The following AP3S2 variants were observed in gnomAD, a reference collection of about 807,000 sequenced individuals.
The protein encoded by AP3S2 is adaptor related protein complex 3 subunit sigma 2.
Under a neutral mutation model 23.4 loss-of-function variants are expected in AP3S2, and 22 were observed. That is an observed-to-expected ratio of 0.94 (90% CI 0.67 to 1.34). AP3S2 has a LOEUF of 1.34. Ranked by LOEUF, AP3S2 falls within the 40% of genes most tolerant of loss-of-function variation. The pLI, the probability that AP3S2 is intolerant of heterozygous loss-of-function variation, is 0.00. For synonymous variants in AP3S2, 86 were observed against 87.1 expected (o/e 0.99, Z 0.07); for missense variants, 241 against 236.9 (o/e 1.02, Z -0.11).
chr15:89,831,105 G>A lies in AP3S2; in HGVS notation c.*4410C>T, dbSNP rs1895068175. Reference sequence around the variant, plus strand: ...ATGAATGTATTTCCTTTTTTGAAAGGAAAATTGAAATAGGAAAAAATTTTA... The same window carrying A: ...ATGAATGTATTTCCTTTTTTGAAAGAAAAATTGAAATAGGAAAAAATTTTA... On this transcript the variant is annotated 3_prime_UTR_variant, in exon 6 of 6. Coordinates refer to ENST00000336418, the MANE Select transcript of AP3S2 (RefSeq NM_005829.5). The A allele has an allele frequency of 6.6e-6, 1 of 152,262 alleles. No individual in the cohort carries two copies. The highest frequency in any genetic ancestry group is 6.5e-5 in the Admixed American group (1 of 15,278). 9.4% of individuals were successfully genotyped at this position (152,262 alleles called of 1,614,324 possible).
intron 4 of AP3S2, among the ~76,000 whole-genome samples, chr15:89,839,640 GC>G (rs1423884122): frequency 6.6e-6 from 1 of 152,022 alleles, no homozygotes; most frequent in African/African-American, 2.4e-5. Context: ...TTACCATATG[GC>G]CCAGCAATTC....
At chr15:89,851,343 CT>C (rs111461374) in intron 4 of AP3S2, among the ~76,000 whole-genome samples, 233 of 145,322 alleles carry the variant, frequency 1.6e-3, no homozygotes, top group Admixed American at 2.1e-3. Context: ...AATTCATCTT[CT>C]TTTTTTTTTT....
At chr15:89,877,292 GA>G in intron 3 of AP3S2, 1 of 1,327,276 alleles carries the variant, frequency 7.5e-7, no homozygotes. Context: ...GATGCAGTTT[GA>G]AAAAGATCAT....
At chr15:89,859,047 T>C (rs903619143) in intron 4 of AP3S2, among the ~76,000 whole-genome samples, 1 of 151,824 alleles carries the variant, frequency 6.6e-6, no homozygotes, top group African/African-American at 2.4e-5. Flanking sequence ...CTTAAAGAGA[T>C]GGGGTCTCAC....
At chr15:89,850,209 T>C (rs150173478) in intron 4 of AP3S2, among the ~76,000 whole-genome samples, 1 of 152,338 alleles carries the variant, frequency 6.6e-6, no homozygotes, top group East Asian at 1.9e-4. Context: ...TTTTATGAAC[T>C]GTTTGATCTT....
In AP3S2 at chr15:89,868,321, G is replaced by A. The variant is rs1356096761; in HGVS notation, c.345+3154C>T. On this transcript the variant is annotated intron_variant, in intron 4 of 5. Transcript: ENST00000336418. ...GAGGAGCCCCTCTGCCCGGCCAGCCGCCCCGTCCGGGAGGGAGGTGGAGGG... is the reference window on the plus strand; with the variant it reads ...GAGGAGCCCCTCTGCCCGGCCAGCCACCCCGTCCGGGAGGGAGGTGGAGGG... Among the ~76,000 whole-genome samples the A allele has an allele frequency of 5.5e-5, 5 of 91,402 alleles. 1 individual carries two copies. The highest frequency in any genetic ancestry group is 1.9e-4 in the Admixed American group (2 of 10,358). The allele number at this position is 91,402 out of a possible 152,430, so 60.0% of individuals were successfully genotyped here.
At chr15:89,878,716 C>T (rs1043208126) in intron 3 of AP3S2, among the ~76,000 whole-genome samples, 2 of 151,978 alleles carry the variant, frequency 1.3e-5, no homozygotes, top group African/African-American at 4.8e-5. Flanking sequence ...TGCATGCTAC[C>T]ACCCGAGGCT....
At chr15:89,880,457 G>A (rs142829485) in intron 3 of AP3S2, among the ~76,000 whole-genome samples, 2,206 of 152,222 alleles carry the variant, frequency 0.014, 72 homozygotes, top group African/African-American at 0.05. Flanking sequence ...TTGGGAGGCC[G>A]AGGTCAGGAG....
intron 1 of AP3S2, among the ~76,000 whole-genome samples, chr15:89,892,128 C>CA (rs1217389294): frequency 1.3e-5 from 2 of 152,164 alleles, no homozygotes; most frequent in African/African-American, 4.8e-5. Context: ...GGCAGACACA[C>CA]AAAAAACCAC....
chr15:89,847,922 G>A (rs1895536299), intron 4 of AP3S2, among the ~76,000 whole-genome samples: 1 of 152,188 alleles, frequency 6.6e-6, no homozygotes, highest in Admixed American at 6.6e-5. Context: ...CACCTAATAT[G>A]AACAATACTG....
rs765081525 is a variant in AP3S2, at chr15:89,889,114, A to T, written c.96T>A (p.Val32=). The T allele has an allele frequency of 6.2e-7, 1 of 1,614,202 alleles. No individual in the cohort carries two copies. The highest frequency in any genetic ancestry group is 1.1e-5 in the South Asian group (1 of 91,084). ...RFPEEIQQQI[V]RETFHLVLKR... Reference sequence around the variant, plus strand: ...TGAGGACTAGATGGAAAGTCTCTCGAACAATCTGCTGTTGAATTTCTTCTG... The same window carrying T: ...TGAGGACTAGATGGAAAGTCTCTCGTACAATCTGCTGTTGAATTTCTTCTG... Residue 32 remains valine, a synonymous_variant, in exon 2 of 6, where the codon GTT becomes GTA. Transcript: ENST00000336418.
At chr15:89,853,562 G>A (rs995394933) in intron 4 of AP3S2, among the ~76,000 whole-genome samples, 2 of 151,818 alleles carry the variant, frequency 1.3e-5, no homozygotes, top group Non-Finnish European at 2.9e-5. Context: ...GTCTCTGCCT[G>A]GCCGCCCATC....
chr15:89,879,543 C>T (rs1164214305), intron 3 of AP3S2, among the ~76,000 whole-genome samples: 4 of 152,146 alleles, frequency 2.6e-5, no homozygotes, highest in Non-Finnish European at 5.9e-5. Flanking sequence ...GTGGAAAAAG[C>T]TCCAGAACTT....
At chr15:89,869,949 C>G (rs1198990846) in intron 4 of AP3S2, among the ~76,000 whole-genome samples, 1 of 152,148 alleles carries the variant, frequency 6.6e-6, no homozygotes, top group African/African-American at 2.4e-5. Flanking sequence ...CCATGTTGGC[C>G]AGGCTGGTCT....
chr15:89,843,234 T>C (rs1177393219), intron 4 of AP3S2, among the ~76,000 whole-genome samples: 6 of 151,968 alleles, frequency 3.9e-5, no homozygotes, highest in African/African-American at 1.4e-4. Context: ...TCCGTCCGCC[T>C]TGGCCTCCCA....
At chr15:89,880,039 T>C (rs1896534339) in intron 3 of AP3S2, among the ~76,000 whole-genome samples, 1 of 151,084 alleles carries the variant, frequency 6.6e-6, no homozygotes, top group Non-Finnish European at 1.5e-5. Flanking sequence ...TTTAGAGTTA[T>C]TAGAATGTGA....
intron 4 of AP3S2, among the ~76,000 whole-genome samples, chr15:89,858,493 AAGAG>A (rs143172663): frequency 2.8e-3 from 170 of 60,270 alleles, no homozygotes; most frequent in Middle Eastern, 0.025. Flanking sequence ...GAAAGAAAGA[AAGAG>A]AGAGAGAGAG....
At chr15:89,886,341 C>T (rs1468960019) in intron 3 of AP3S2, 1 of 151,706 alleles carries the variant, frequency 6.6e-6, no homozygotes, top group East Asian at 1.9e-4. Context: ...AAGACTCCAT[C>T]TCAAAAAAAA....
At position 89,889,102 on chromosome 15, in the gene AP3S2, G is replaced by A. The variant is rs753868682; in HGVS notation, c.108C>T (p.Phe36=). Residue 36 remains phenylalanine, a synonymous_variant, in exon 2 of 6, where the codon TTC becomes TTT. Coordinates refer to ENST00000336418, the MANE Select transcript of AP3S2 (RefSeq NM_005829.5). The part of the protein sequence containing the change: ...EIQQQIVRET[F]HLVLKRDDNI... ...TGTCATCCCGCTTGAGGACTAGATG[G>A]AAAGTCTCTCGAACAATCTGCTGTT... The A allele has an allele frequency of 6.2e-7, 1 of 1,614,156 alleles. No homozygotes were observed. The highest frequency in any genetic ancestry group is 2.2e-5 in the East Asian group (1 of 44,884).
Sources: allele counts gnomAD v4.1 joint callset (sites outside exome capture counted in the v4.1 genomes callset), GRCh38; gene constraint gnomAD v4.1.1; transcripts MANE v1.5; gene names NCBI Gene and HGNC (gene_info 2026-07-23, HGNC 2026-07-21).